Variants in CERS2 observed in about 807,000 individuals in gnomAD.
CERS2 encodes ceramide synthase 2.
A neutral mutation model predicts 56.6 loss-of-function variants in CERS2; 20 were observed. The ratio of observed to expected loss-of-function variants is 0.35; its 90% CI spans 0.25 to 0.51. The LOEUF (loss-of-function observed/expected upper bound fraction) is 0.51. Ranked by LOEUF, CERS2 falls within the 20% of genes least tolerant of loss-of-function variation. The pLI is 0.96. For missense variants in CERS2, 361 were observed against 488.6 expected (o/e 0.74, Z 2.46); for synonymous variants, 187 against 175.4 (o/e 1.07, Z -0.52).
At position 150,966,493 on chromosome 1, in the gene CERS2, T is replaced by C; in HGVS notation, c.985A>G (p.Lys329Glu). 6.2e-7 allele frequency: 1 copy of C among 1,614,078 alleles called. No individual in the cohort carries two copies. Among genetic ancestry groups the C allele is most frequent in the South Asian group, 1.1e-5 (1 of 91,080 alleles). ...WAYLILRMAH[K>E]FITGKLVEDE... The stretch of plus-strand genomic sequence containing the variant: ...GGCTTCACCTTTCCAGTTATGAACT[T>C]GTGGGCCATGCGCAAAATGAGGTAG... The change falls in exon 10 of 11, where the codon AAG becomes GAG. Residue 329 changes from lysine to glutamate, a missense_variant. Coordinates refer to ENST00000368954, the MANE Select transcript of CERS2 (RefSeq NM_022075.5).
At chr1:150,970,198 A>C (rs1355380985) in intron 1 of CERS2, among the ~76,000 whole-genome samples, 3 of 141,640 alleles carry the variant, frequency 2.1e-5, no homozygotes, top group Admixed American at 7.4e-5. Flanking sequence ...ACTGCACTCC[A>C]GCCTGGGTAA....
At chr1:150,968,012 C>T in intron 4 of CERS2, 71 bp downstream of exon 4, 3 of 1,464,844 alleles carry the variant, frequency 2.0e-6, no homozygotes, top group Non-Finnish European at 2.9e-6. Flanking sequence ...CGTATAGCCA[C>T]CGCCTATCCC....
At chr1:150,967,999 C>T in intron 4 of CERS2, 84 bp downstream of exon 4, 1 of 1,417,512 alleles carries the variant, frequency 7.1e-7, no homozygotes, top group Non-Finnish European at 1.0e-6. Flanking sequence ...TCACATCTCC[C>T]TGCGTATAGC....
chr1:150,967,364 G>T, intron 7 of CERS2, 28 bp downstream of exon 7: 1 of 1,507,634 alleles, frequency 6.6e-7, no homozygotes, highest in South Asian at 1.1e-5. Context: ...TTGGCTCTGA[G>T]GCTTAATTGC....
Position 150,967,726 on chromosome 1 carries a change from T to C in CERS2, c.469-12A>G. 7 of 1,613,764 alleles carry C rather than the reference T, an allele frequency of 4.3e-6. No individual in the cohort carries two copies. Among genetic ancestry groups the C allele is most frequent in the Non-Finnish European group, 5.9e-6 (7 of 1,179,684 alleles). ...TAGAACCAGGGTTTCTGCAGAGAGA[T>C]GGTGAGAAGTTAAAAGAGGAGGAAC... On this transcript the variant is annotated splice_polypyrimidine_tract_variant and intron_variant, in intron 5 of 10. Transcript: ENST00000368954.
intron 4 of CERS2, 50 bp from the exon 5 acceptor site, chr1:150,967,927 A>C (rs760973827): frequency 6.7e-7 from 1 of 1,497,116 alleles, no homozygotes; most frequent in Non-Finnish European, 9.3e-7. Context: ...ACAGTCCCCC[A>C]GCAGCCCCCA....
chr1:150,973,098 T>C (rs1671223207), intron 1 of CERS2: 2 of 152,228 alleles, frequency 1.3e-5, no homozygotes, highest in Admixed American at 1.3e-4. Flanking sequence ...GTCTTCCTTG[T>C]TGAAAACTTT....
At position 150,972,071 on chromosome 1, in the gene CERS2, G is replaced by T. The variant is rs587665996; in HGVS notation, c.-2+2548C>A. The T allele has an allele frequency of 8.0e-6, 3 of 373,118 alleles. No homozygotes were observed. In the East Asian group the frequency reaches 2.2e-4, roughly 27 times the overall value. The allele number at this position is 373,118 out of a possible 1,614,324, so 23.1% of individuals were successfully genotyped here. Reference sequence around the variant, plus strand: ...AATGTCTCATGCCTGCAAAACAGGGGGTGGGGGGCAGGCAAAGTAGGCACT... The same window carrying T: ...AATGTCTCATGCCTGCAAAACAGGGTGTGGGGGGCAGGCAAAGTAGGCACT... On this transcript the variant is annotated intron_variant, in intron 1 of 10. Coordinates refer to ENST00000368954, the MANE Select transcript of CERS2 (RefSeq NM_022075.5).
chr1:150,969,183 G>C (rs1246585233), intron 1 of CERS2, 92 bp from the exon 2 acceptor site: 2 of 1,104,626 alleles, frequency 1.8e-6, no homozygotes, highest in Middle Eastern at 2.5e-4. Flanking sequence ...ATCAAAAGGA[G>C]AAGGGGGCAG....
chr1:150,971,508 G>A (rs587614177), intron 1 of CERS2, among the ~76,000 whole-genome samples: 2 of 152,022 alleles, frequency 1.3e-5, no homozygotes, highest in East Asian at 1.9e-4. Context: ...AGGAGCTTCA[G>A]CTCCACCTTC....
At chr1:150,967,762 T>C (rs1671065203) in intron 5 of CERS2, 48 bp from the exon 6 acceptor site, 1 of 1,606,210 alleles carries the variant, frequency 6.2e-7, no homozygotes, top group Non-Finnish European at 8.5e-7. Context: ...CCAAATTCCA[T>C]GGCCTCACCT....
chr1:150,971,691 TAGAGA>T (rs1671184711), intron 1 of CERS2, among the ~76,000 whole-genome samples: 1 of 152,316 alleles, frequency 6.6e-6, no homozygotes, highest in Non-Finnish European at 1.5e-5. Flanking sequence ...ACTTTTTTCC[TAGAGA>T]AAAGTTGTAG....
At chr1:150,968,792 G>T in intron 2 of CERS2, 126 bp downstream of exon 2, 1 of 928,348 alleles carries the variant, frequency 1.1e-6, no homozygotes, top group Non-Finnish European at 1.7e-6. Context: ...GGTGCACAGT[G>T]GGCAGGAACC....
At position 150,967,123 on chromosome 1, in the gene CERS2, G is replaced by A. The variant is rs1234682447; in HGVS notation, c.692C>T (p.Ala231Val). 2 of 1,613,982 alleles carry A rather than the reference G, an allele frequency of 1.2e-6. No individual in the cohort carries two copies. Among genetic ancestry groups the A allele is most frequent in the Non-Finnish European group, 1.7e-6 (2 of 1,179,842 alleles). ...ATGCAGAGCCATGATTAGAGTCCCA[G>A]CTCGGATGTAATTGGCAAACCAGGA... ...SFSWFANYIR[A>V]GTLIMALHDS... Residue 231 changes from alanine to valine, a missense_variant, in exon 8 of 11, where the codon GCT becomes GTT. This residue lies in a region of CERS2 where 236 missense variants were observed against 309.2 expected (regional missense o/e 0.76). Coordinates refer to ENST00000368954, the MANE Select transcript of CERS2 (RefSeq NM_022075.5).
At chr1:150,968,542 G>T in intron 2 of CERS2, 30 bp from the exon 3 acceptor site, 1 of 1,529,628 alleles carries the variant, frequency 6.5e-7, no homozygotes, top group Non-Finnish European at 9.1e-7. Flanking sequence ...AAGGTATCTA[G>T]CTTGCTGGGA....
chr1:150,972,158 C>T lies in CERS2; in HGVS notation c.-2+2461G>A, dbSNP rs139671364. Reference sequence around the variant, plus strand: ...CTTCCTCATCCCCAAGATGAGATAGCGCCTGTCCTCTTCCACTCCAAGCAG... The same window carrying T: ...CTTCCTCATCCCCAAGATGAGATAGTGCCTGTCCTCTTCCACTCCAAGCAG... On this transcript the variant is annotated intron_variant, in intron 1 of 10. Coordinates refer to ENST00000368954, the MANE Select transcript of CERS2 (RefSeq NM_022075.5). Among the ~76,000 whole-genome samples the T allele has an allele frequency of 8.9e-4, 135 of 152,250 alleles. 3 individuals carry two copies. The East Asian group carries it at 0.024, about 27-fold the overall frequency.
chr1:150,968,792 G>A (rs185660143), intron 2 of CERS2, 126 bp downstream of exon 2: 96 of 928,228 alleles, frequency 1.0e-4, no homozygotes, highest in Middle Eastern at 6.9e-4. Context: ...GGTGCACAGT[G>A]GGCAGGAACC....
chr1:150,971,361 C>T (rs1019990176), intron 1 of CERS2, among the ~76,000 whole-genome samples: 1 of 152,166 alleles, frequency 6.6e-6, no homozygotes, highest in African/African-American at 2.4e-5. Context: ...CCGCTCCACC[C>T]CCACCCACCA....
At chr1:150,971,717 A>C (rs1441633754) in intron 1 of CERS2, 7 of 348,580 alleles carry the variant, frequency 2.0e-5, no homozygotes, top group Non-Finnish European at 4.1e-5. Context: ...AAAATTGAAT[A>C]AAGAAGGGAC....
Sources: allele counts gnomAD v4.1 joint callset (sites outside exome capture counted in the v4.1 genomes callset), GRCh38; gene constraint gnomAD v4.1.1; regional missense constraint gnomAD v4.1.1; transcripts MANE v1.5; gene names NCBI Gene and HGNC (gene_info 2026-07-23, HGNC 2026-07-21).